KCTD16: variants seen among roughly 807,000 people sequenced by gnomAD.
The protein encoded by KCTD16 is BTB/POZ domain-containing protein KCTD16.
In KCTD16, 13 loss-of-function variants were observed where a neutral mutation model predicts 33.2. The ratio of observed to expected loss-of-function variants is 0.39; its 90% CI spans 0.25 to 0.62. The LOEUF (loss-of-function observed/expected upper bound fraction) is 0.62, where lower values mean the gene tolerates loss of function less well. Ranked by LOEUF, KCTD16 falls within the 20% of genes least tolerant of loss-of-function variation. The pLI, the probability that KCTD16 is intolerant of heterozygous loss-of-function variation, is 0.50. For synonymous variants in KCTD16, 197 were observed against 195.3 expected (o/e 1.01, Z -0.07); for missense variants, 441 against 525.1 (o/e 0.84, Z 1.57).
At chr5:144,268,371 G>A (rs1033867549) in intron 3 of KCTD16, among the ~76,000 whole-genome samples, 2 of 152,188 alleles carry the variant, frequency 1.3e-5, no homozygotes, top group South Asian at 2.1e-4. Context: ...GGGATTTAAA[G>A]GGCTAGAGCA....
At chr5:144,383,901 TA>T (rs1752269874) in intron 3 of KCTD16, among the ~76,000 whole-genome samples, 1 of 152,170 alleles carries the variant, frequency 6.6e-6, no homozygotes, top group South Asian at 2.1e-4. Flanking sequence ...ACCAATATTA[TA>T]AAAAATACGT....
intron 3 of KCTD16, among the ~76,000 whole-genome samples, chr5:144,282,061 T>C: frequency 6.6e-6 from 1 of 152,230 alleles, no homozygotes; most frequent in South Asian, 2.1e-4. Context: ...GATAAGAATT[T>C]TGTAAGCTAG....
chr5:144,211,398 A>G (rs1196238397), intron 3 of KCTD16, among the ~76,000 whole-genome samples: 1 of 152,102 alleles, frequency 6.6e-6, no homozygotes, highest in Non-Finnish European at 1.5e-5. Context: ...CAAAAATTCC[A>G]TGTCCAAAAT....
chr5:144,388,375 C>T (rs1188776938), intron 3 of KCTD16, among the ~76,000 whole-genome samples: 1 of 152,062 alleles, frequency 6.6e-6, no homozygotes, highest in East Asian at 1.9e-4. Flanking sequence ...GCCACCGCGC[C>T]CGGCCTTAGA....
At chr5:144,437,518 C>A (rs1211031418) in intron 3 of KCTD16, among the ~76,000 whole-genome samples, 1 of 152,102 alleles carries the variant, frequency 6.6e-6, no homozygotes, top group Non-Finnish European at 1.5e-5. Context: ...TTGTCAAGTT[C>A]TCAAAATAGC....
intron 3 of KCTD16, among the ~76,000 whole-genome samples, chr5:144,365,936 A>G (rs1414169021): frequency 2.0e-5 from 3 of 152,212 alleles, no homozygotes; most frequent in Non-Finnish European, 2.9e-5. Flanking sequence ...CTATTTATTT[A>G]TGCTTGTTTA....
chr5:144,475,904 T>C lies in KCTD16; in HGVS notation c.*1790T>C, dbSNP rs1026626696. On this transcript the variant is annotated 3_prime_UTR_variant, in exon 4 of 4. Coordinates refer to ENST00000512467, the MANE Select transcript of KCTD16 (RefSeq NM_020768.4). ...GACAGACTCAGCTAATGTTTCCTTGTCCTGAAGGTTTGAATGGAGTTGAAA... is the reference window on the plus strand; with the variant it reads ...GACAGACTCAGCTAATGTTTCCTTGCCCTGAAGGTTTGAATGGAGTTGAAA... 6.6e-6 allele frequency: 1 copy of C among 152,216 alleles called. No homozygotes were observed. Among genetic ancestry groups the C allele is most frequent in the Non-Finnish European group, 1.5e-5 (1 of 68,026 alleles). 9.4% of individuals were successfully genotyped at this position (152,216 alleles called of 1,614,324 possible).
In KCTD16 at chr5:144,404,853, G is replaced by A. The variant is rs545388916; in HGVS notation, c.833-68807G>A. ...GGTGAACACAGATTATTTCACTTCC[G>A]AACTACTCCCCACTTTAGCAGGTGC... On this transcript the variant is annotated intron_variant, in intron 3 of 3. Transcript: ENST00000512467. 7.9e-5 allele frequency among the ~76,000 whole-genome samples: 12 copies of A among 152,214 alleles called. No homozygotes were observed. In the South Asian group the frequency reaches 1.9e-3, roughly 24 times the overall value.
chr5:144,276,898 G>A (rs1251249430), intron 3 of KCTD16, among the ~76,000 whole-genome samples: 1 of 136,980 alleles, frequency 7.3e-6, no homozygotes, highest in African/African-American at 2.6e-5. Context: ...GTGAAACCCT[G>A]TCTAAAAAAA....
chr5:144,323,584 A>G (rs10067848), intron 3 of KCTD16, among the ~76,000 whole-genome samples: 12,579 of 152,232 alleles, frequency 0.083, 1,261 homozygotes, highest in African/African-American at 0.23. Flanking sequence ...GCCTGCTCTA[A>G]TATGGCAGCT....
chr5:144,404,564 G>A (rs1263660599), intron 3 of KCTD16, among the ~76,000 whole-genome samples: 1 of 152,142 alleles, frequency 6.6e-6, no homozygotes, highest in Non-Finnish European at 1.5e-5. Context: ...ATACATCTGA[G>A]TTGGCATATG....
Position 144,342,136 on chromosome 5 carries a change from A to T in KCTD16, c.833-131524A>T, listed in dbSNP as rs572175372. On this transcript the variant is annotated intron_variant, in intron 3 of 3. Transcript: ENST00000512467. ...GAAAGTCATTGGTAGCTTGATGGGG[A>T]TGGCATTGAATCTATAAATTACCTT... is the stretch of plus-strand genomic sequence containing the variant. 2.0e-5 allele frequency among the ~76,000 whole-genome samples: 3 copies of T among 152,104 alleles called. No individual in the cohort carries two copies. The South Asian group carries it at 6.2e-4, about 32-fold the overall frequency.
At chr5:144,360,711 T>A (rs1207915150) in intron 3 of KCTD16, among the ~76,000 whole-genome samples, 1 of 152,170 alleles carries the variant, frequency 6.6e-6, no homozygotes, top group Non-Finnish European at 1.5e-5. Context: ...ATTACAGGCG[T>A]GAGCCACAGC....
Position 144,375,661 on chromosome 5 carries a change from G to A in KCTD16, c.833-97999G>A, listed in dbSNP as rs188416302. 2.0e-5 allele frequency among the ~76,000 whole-genome samples: 3 copies of A among 152,292 alleles called. No homozygotes were observed. In the East Asian group the frequency reaches 5.8e-4, roughly 29 times the overall value. On this transcript the variant is annotated intron_variant, in intron 3 of 3. Transcript: ENST00000512467. ...TGAGAGAAAATTCTTTCTCATTTCA[G>A]CAACTATATTTATGTGTCTTTTTGT...
intron 2 of KCTD16, among the ~76,000 whole-genome samples, chr5:144,183,861 A>G (rs1752673859): frequency 6.6e-6 from 1 of 152,224 alleles, no homozygotes; most frequent in Non-Finnish European, 1.5e-5. Context: ...ACATAATACT[A>G]TGTAGTATGT....
chr5:144,182,304 C>T (rs1752642354), intron 2 of KCTD16, among the ~76,000 whole-genome samples: 2 of 152,154 alleles, frequency 1.3e-5, no homozygotes, highest in African/African-American at 4.8e-5. Flanking sequence ...TCACAGCCTC[C>T]AGAATGATAA....
At chr5:144,464,465 G>A (rs1461007509) in intron 3 of KCTD16, among the ~76,000 whole-genome samples, 1 of 152,186 alleles carries the variant, frequency 6.6e-6, no homozygotes, top group African/African-American at 2.4e-5. Context: ...GGTACTAATG[G>A]CAATAAATGG....
intron 3 of KCTD16, among the ~76,000 whole-genome samples, chr5:144,286,018 T>G (rs1163743281): frequency 6.6e-6 from 1 of 151,912 alleles, no homozygotes; most frequent in Non-Finnish European, 1.5e-5. Context: ...CATCATGATA[T>G]TTTTGGCAGG....
chr5:144,287,416 A>T (rs961718193), intron 3 of KCTD16, among the ~76,000 whole-genome samples: 3 of 152,206 alleles, frequency 2.0e-5, no homozygotes, highest in African/African-American at 7.2e-5. Context: ...AAGACTGTTC[A>T]TGCATTCTTA....
Sources: allele counts gnomAD v4.1 joint callset (sites outside exome capture counted in the v4.1 genomes callset), GRCh38; gene constraint gnomAD v4.1.1; transcripts MANE v1.5; gene names NCBI Gene and HGNC (gene_info 2026-07-23, HGNC 2026-07-21).